AKR1C8: variants seen among roughly 807,000 people sequenced by gnomAD.
The protein encoded by AKR1C8 is aldo-keto reductase family 1 member C-like protein 1.
At chr10:5,182,778 C>T in the AKR1C8 span, among the ~76,000 whole-genome samples, 1 of 151,856 alleles carries the variant, frequency 6.6e-6, no homozygotes, top group South Asian at 2.1e-4. Context: ...GGTGTGGCAG[C>T]ATGCACCTGT....
the AKR1C8 span, among the ~76,000 whole-genome samples, chr10:5,145,362 A>C: frequency 1.3e-3 from 203 of 152,310 alleles, no homozygotes; most frequent in Middle Eastern, 3.4e-3. Flanking sequence ...TAATTCAACT[A>C]AAGAGCTTCT....
chr10:5,155,933 C>G, the AKR1C8 span, among the ~76,000 whole-genome samples: 1 of 152,162 alleles, frequency 6.6e-6, no homozygotes, highest in African/African-American at 2.4e-5. Flanking sequence ...CCTCTTCCAC[C>G]TTCATTCTGC....
chr10:5,162,753 G>A, the AKR1C8 span: 1 of 380,574 alleles, frequency 2.6e-6, no homozygotes, highest in Non-Finnish European at 5.4e-6. Context: ...CATAATATTA[G>A]GAGGTAAATA....
the AKR1C8 span, among the ~76,000 whole-genome samples, chr10:5,180,844 G>A: frequency 1.2e-4 from 19 of 152,296 alleles, no homozygotes; most frequent in Middle Eastern, 3.4e-3. Context: ...TCGGAAAAGC[G>A]CGGTATTAGG....
the AKR1C8 span, among the ~76,000 whole-genome samples, chr10:5,136,639 G>A: frequency 1.3e-5 from 2 of 152,136 alleles, no homozygotes. Context: ...TTTGCTATGT[G>A]TTTCATAAGT....
chr10:5,161,821 A>ATT, the AKR1C8 span: 2 of 534,598 alleles, frequency 3.7e-6, no homozygotes, highest in Non-Finnish European at 7.7e-6. Flanking sequence ...ATGATGAAAC[A>ATT]GTCTTGGGCA....
At chr10:5,132,972 G>T in the AKR1C8 span, among the ~76,000 whole-genome samples, 1 of 152,048 alleles carries the variant, frequency 6.6e-6, no homozygotes, top group Admixed American at 6.6e-5. Context: ...TTCAATCCCA[G>T]GTAATTCCTG....
the AKR1C8 span, among the ~76,000 whole-genome samples, chr10:5,119,704 C>G: frequency 6.6e-6 from 1 of 152,138 alleles, no homozygotes; most frequent in African/African-American, 2.4e-5. Flanking sequence ...ATACAGAGAT[C>G]CTCTCCAAGA....
chr10:5,119,884 G>T, the AKR1C8 span, among the ~76,000 whole-genome samples: 1 of 152,124 alleles, frequency 6.6e-6, no homozygotes, highest in East Asian at 1.9e-4. Context: ...GTACAGTGAG[G>T]GTTTGCTAGC....
the AKR1C8 span, chr10:5,132,571 T>A: frequency 8.1e-6 from 12 of 1,484,314 alleles, no homozygotes; most frequent in Non-Finnish European, 1.1e-5. Context: ...ATTAAATACA[T>A]GTGCATGCAT....
At chr10:5,142,545 A>G in the AKR1C8 span, among the ~76,000 whole-genome samples, 2 of 152,130 alleles carry the variant, frequency 1.3e-5, no homozygotes, top group African/African-American at 4.8e-5. Context: ...GTGAATATTT[A>G]GAGGTCACTG....
the AKR1C8 span, among the ~76,000 whole-genome samples, chr10:5,177,197 A>G: frequency 6.6e-6 from 1 of 151,924 alleles, no homozygotes; most frequent in Non-Finnish European, 1.5e-5. Context: ...AGGGCTGTTG[A>G]ATTTTGTCAA....
At chr10:5,161,124 A>G in the AKR1C8 span, among the ~76,000 whole-genome samples, 1 of 152,100 alleles carries the variant, frequency 6.6e-6, no homozygotes, top group African/African-American at 2.4e-5. Context: ...ACATATGTGT[A>G]TGTGTGTGCA....
chr10:5,125,743 A>G, the AKR1C8 span, among the ~76,000 whole-genome samples: 1 of 152,220 alleles, frequency 6.6e-6, no homozygotes, highest in Admixed American at 6.5e-5. Context: ...GGAATCTCAC[A>G]GAGTCTATGT....
the AKR1C8 span, among the ~76,000 whole-genome samples, chr10:5,171,994 CT>C: frequency 6.6e-6 from 1 of 152,054 alleles, no homozygotes; most frequent in Admixed American, 6.6e-5. Context: ...GCAACCTTTA[CT>C]TTTGTTGAAA....
the AKR1C8 span, among the ~76,000 whole-genome samples, chr10:5,153,770 C>T: frequency 2.6e-5 from 4 of 152,152 alleles, no homozygotes; most frequent in African/African-American, 4.8e-5. Context: ...AATAACCTCC[C>T]ACCAGATCCC....
chr10:5,138,262 C>T, the AKR1C8 span, among the ~76,000 whole-genome samples: 7 of 151,970 alleles, frequency 4.6e-5, no homozygotes, highest in African/African-American at 7.2e-5. Context: ...ATTCCCAGAG[C>T]GGCCGTTTAT....
At chr10:5,169,472 C>G in the AKR1C8 span, among the ~76,000 whole-genome samples, 1 of 43,016 alleles carries the variant, frequency 2.3e-5, no homozygotes, top group Admixed American at 2.1e-4. Context: ...ATTAATTAAG[C>G]TGGGTAAAAA....
the AKR1C8 span, among the ~76,000 whole-genome samples, chr10:5,182,114 A>C: frequency 2.0e-5 from 3 of 152,162 alleles, no homozygotes; most frequent in Non-Finnish European, 4.4e-5. Context: ...AATAACATAC[A>C]CTTCTGTGAA....
Sources: allele counts gnomAD v4.1 joint callset (sites outside exome capture counted in the v4.1 genomes callset), GRCh38; gene constraint gnomAD v4.1.1; transcripts MANE v1.5; gene names NCBI Gene and HGNC (gene_info 2026-07-23, HGNC 2026-07-21).